METAP1D: variants seen among roughly 807,000 people sequenced by gnomAD.
METAP1D encodes methionyl aminopeptidase type 1D, mitochondrial.
Under a neutral mutation model 40.5 loss-of-function variants are expected in METAP1D, and 31 were observed. That is an observed-to-expected ratio of 0.77 (90% CI 0.58 to 1.03). The LOEUF is 1.03. Ranked by LOEUF, METAP1D falls within the 50% of genes least tolerant of loss-of-function variation. METAP1D has a pLI of 0.00. For missense variants in METAP1D, 411 were observed against 420.7 expected, an observed-to-expected ratio of 0.98 and a Z score of 0.20; for synonymous variants, 151 against 146.4, an observed-to-expected ratio of 1.03 and a Z score of -0.22.
intron 1 of METAP1D, among the ~76,000 whole-genome samples, chr2:172,059,971 G>T (rs1034819897): frequency 6.6e-6 from 1 of 151,984 alleles, no homozygotes; most frequent in Non-Finnish European, 1.5e-5. Flanking sequence ...GAATTGCTTG[G>T]ACCTGGGAGG....
chr2:172,020,965 C>T (rs1472067728), intron 1 of METAP1D, among the ~76,000 whole-genome samples: 3 of 151,824 alleles, frequency 2.0e-5, no homozygotes, highest in Non-Finnish European at 4.4e-5. Flanking sequence ...TTTAGTGGCT[C>T]AGGGAATTGC....
At chr2:172,019,971 T>C (rs1208261450) in intron 1 of METAP1D, among the ~76,000 whole-genome samples, 1 of 152,168 alleles carries the variant, frequency 6.6e-6, no homozygotes, top group Non-Finnish European at 1.5e-5. Flanking sequence ...CCTCCTGGCA[T>C]TCTAGGGCTC....
At position 172,078,388 on chromosome 2, in the gene METAP1D, C is replaced by G. The variant is rs565445919; in HGVS notation, c.802+494C>G. 5.3e-5 allele frequency among the ~76,000 whole-genome samples: 8 copies of G among 152,320 alleles called. No homozygotes were observed. The South Asian group carries it at 1.2e-3, about 24-fold the overall frequency. ...GATTATGCCCACCCTTGTCTTCCTT[C>G]CCCAGAATCTCTTGTTTTTCACTGC... On this transcript the variant is annotated intron_variant, in intron 7 of 9. Coordinates refer to ENST00000315796, the MANE Select transcript of METAP1D (RefSeq NM_199227.3).
intron 8 of METAP1D, 70 bp downstream of exon 8, chr2:172,079,332 G>C (rs188411555): frequency 6.9e-7 from 1 of 1,457,096 alleles, no homozygotes; most frequent in East Asian, 2.3e-5. Context: ...GCCTAGGCCC[G>C]GCAGTCCGGT....
In METAP1D at chr2:172,080,440, T is replaced by G. The variant is rs1177600431; in HGVS notation, c.*34T>G. 3 of 1,602,700 alleles carry G rather than the reference T, an allele frequency of 1.9e-6. No homozygotes were observed. The highest frequency in any genetic ancestry group is 8.5e-7 in the Non-Finnish European group (1 of 1,170,230). On this transcript the variant is annotated 3_prime_UTR_variant, in exon 10 of 10. Transcript: ENST00000315796. ...CCGAAGGTCGCGGTGACCTGGTGCC[T>G]TTTTAAATAAATTGCTGAAATTTGG...
intron 6 of METAP1D, among the ~76,000 whole-genome samples, chr2:172,077,282 T>C (rs151046073): frequency 6.6e-6 from 1 of 152,360 alleles, no homozygotes; most frequent in African/African-American, 2.4e-5. Context: ...TGCCTGTTGG[T>C]AAAATGTGTA....
intron 1 of METAP1D, among the ~76,000 whole-genome samples, chr2:172,018,438 TC>T (rs1688930564): frequency 6.6e-6 from 1 of 152,026 alleles, no homozygotes. Context: ...AAGCAAGAAT[TC>T]CCAGGAATCA....
At chr2:172,012,112 C>A (rs1010249083) in intron 1 of METAP1D, among the ~76,000 whole-genome samples, 5 of 152,110 alleles carry the variant, frequency 3.3e-5, no homozygotes, top group African/African-American at 1.2e-4. Flanking sequence ...TCCCACACAC[C>A]CTGTCTCTGT....
At chr2:172,014,062 A>T (rs1019998604) in intron 1 of METAP1D, among the ~76,000 whole-genome samples, 9 of 151,660 alleles carry the variant, frequency 5.9e-5, no homozygotes, top group African/African-American at 2.2e-4. Flanking sequence ...ACCTCAAGTG[A>T]TCTGCCTGCC....
intron 8 of METAP1D, among the ~76,000 whole-genome samples, chr2:172,079,666 G>A (rs572802767): frequency 2.0e-5 from 3 of 152,190 alleles, no homozygotes; most frequent in Admixed American, 6.5e-5. Context: ...ACCTAGGGCC[G>A]TAAAGACATC....
At chr2:172,037,801 G>A (rs980080221) in intron 1 of METAP1D, among the ~76,000 whole-genome samples, 5 of 152,168 alleles carry the variant, frequency 3.3e-5, no homozygotes, top group Non-Finnish European at 5.9e-5. Flanking sequence ...TTTTGTCTCC[G>A]GGTGGCTGTA....
chr2:172,045,695 A>ATGTG (rs1689724066), intron 1 of METAP1D, among the ~76,000 whole-genome samples: 1 of 66,888 alleles, frequency 1.5e-5, no homozygotes, highest in African/African-American at 5.3e-5. Context: ...GATCATTCAT[A>ATGTG]TATATGTGTG....
At chr2:172,007,834 C>G (rs745921095) in intron 1 of METAP1D, among the ~76,000 whole-genome samples, 1 of 151,984 alleles carries the variant, frequency 6.6e-6, no homozygotes, top group African/African-American at 2.4e-5. Context: ...AGATTACAGG[C>G]GCATGCCACG....
chr2:172,062,588 C>T (rs1690163917), intron 2 of METAP1D, among the ~76,000 whole-genome samples: 1 of 152,218 alleles, frequency 6.6e-6, no homozygotes, highest in Non-Finnish European at 1.5e-5. Flanking sequence ...TGCCAGATCA[C>T]AGAGCAGAGT....
intron 1 of METAP1D, among the ~76,000 whole-genome samples, chr2:172,012,013 C>T (rs1688737818): frequency 6.6e-6 from 1 of 152,180 alleles, no homozygotes; most frequent in African/African-American, 2.4e-5. Context: ...TAACTCTTGC[C>T]ATCCCTTTTA....
intron 6 of METAP1D, among the ~76,000 whole-genome samples, chr2:172,074,216 C>G (rs972044413): frequency 4.0e-5 from 6 of 151,728 alleles, no homozygotes; most frequent in Non-Finnish European, 5.9e-5. Context: ...TGTGACAGTT[C>G]AATCAAAAAT....
chr2:172,062,241 T>C (rs1690158018), intron 2 of METAP1D, among the ~76,000 whole-genome samples: 1 of 151,280 alleles, frequency 6.6e-6, no homozygotes, highest in Admixed American at 6.6e-5. Context: ...AGAAGGAGAG[T>C]AGCTAAAGAA....
At chr2:172,067,897 A>C (rs1309574732) in intron 5 of METAP1D, among the ~76,000 whole-genome samples, 1 of 152,248 alleles carries the variant, frequency 6.6e-6, no homozygotes, top group African/African-American at 2.4e-5. Context: ...TTCTTATAAA[A>C]TATTTTATTA....
chr2:172,073,650 A>G (rs1404928207), intron 6 of METAP1D, among the ~76,000 whole-genome samples: 1 of 152,184 alleles, frequency 6.6e-6, no homozygotes, highest in Non-Finnish European at 1.5e-5. Context: ...GATTCTAACA[A>G]ATATTTGTTC....
Sources: allele counts gnomAD v4.1 joint callset (sites outside exome capture counted in the v4.1 genomes callset), GRCh38; gene constraint gnomAD v4.1.1; transcripts MANE v1.5; gene names NCBI Gene and HGNC (gene_info 2026-07-23, HGNC 2026-07-21).